CROCC2: variants seen among roughly 807,000 people sequenced by gnomAD.
CROCC2 encodes ciliary rootlet coiled-coil, rootletin family member 2, also known as ciliary rootlet coiled-coil protein 2.
A neutral mutation model predicts 177.6 loss-of-function variants in CROCC2; 163 were observed. The observed-to-expected ratio is 0.92, with a 90% CI of 0.81 to 1.05. The LOEUF is 1.05. Ranked by LOEUF, CROCC2 falls within the 50% of genes least tolerant of loss-of-function variation. CROCC2 has a pLI of 0.00. For missense variants in CROCC2, 1,929 were observed against 1,797.8 expected (o/e 1.07, Z -1.32); for synonymous variants, 904 against 787.3 (o/e 1.15, Z -2.48).
Position 240,949,322 on chromosome 2 carries a change from C to A in CROCC2, c.2483-211C>A. 1.6e-6 allele frequency: 1 copy of A among 641,828 alleles called. No homozygotes were observed. The highest frequency in any genetic ancestry group is 1.9e-6 in the Non-Finnish European group (1 of 515,942). 39.8% of individuals were successfully genotyped at this position (641,828 alleles called of 1,614,324 possible). A position where few individuals can be genotyped will look rare whatever the true frequency, so the allele number is the denominator to read the frequency against. On this transcript the variant is annotated intron_variant, in intron 16 of 31. Transcript: ENST00000690015. This position sits in a 1 kb window ranked among gnomAD's most constrained non-coding sequence, Gnocchi z 4.5. ...CCTGGTGCCAGCCTGAGGCTTAGAACTGGGCTCTGGCCACAGGGTCAGCAT... is the reference window on the plus strand; with the variant it reads ...CCTGGTGCCAGCCTGAGGCTTAGAAATGGGCTCTGGCCACAGGGTCAGCAT...
intron 14 of CROCC2, among the ~76,000 whole-genome samples, chr2:240,936,648 G>C (rs2059472971): frequency 6.6e-6 from 1 of 152,168 alleles, no homozygotes; most frequent in African/African-American, 2.4e-5. Context: ...CTGCCTACAA[G>C]GTCCTTCCTT....
At chr2:240,945,552 C>T (rs2059518273) in intron 14 of CROCC2, among the ~76,000 whole-genome samples, 1 of 152,180 alleles carries the variant, frequency 6.6e-6, no homozygotes, top group South Asian at 2.1e-4. Context: ...GAAGAGGAGA[C>T]ATTAAATGCT....
At chr2:240,934,194 G>A in intron 11 of CROCC2, 137 bp from the exon 12 acceptor site, 1 of 968,536 alleles carries the variant, frequency 1.0e-6, no homozygotes, top group South Asian at 1.8e-5. Context: ...CTGCCTTCCT[G>A]GTCCTCCAGG....
At chr2:240,974,856 T>G (rs2059748385) in intron 27 of CROCC2, among the ~76,000 whole-genome samples, 1 of 152,212 alleles carries the variant, frequency 6.6e-6, no homozygotes, top group African/African-American at 2.4e-5. Flanking sequence ...TCTAGAAGTT[T>G]CCATTTTTAT....
intron 1 of CROCC2, among the ~76,000 whole-genome samples, chr2:240,911,953 G>A (rs1053610758): frequency 1.3e-5 from 2 of 152,120 alleles, no homozygotes; most frequent in African/African-American, 4.8e-5. Context: ...TGTGAACCTC[G>A]GAGTACAAAT....
At chr2:240,909,681 C>T (rs2059275321) in intron 1 of CROCC2, among the ~76,000 whole-genome samples, 1 of 152,200 alleles carries the variant, frequency 6.6e-6, no homozygotes, top group South Asian at 2.1e-4. Flanking sequence ...CCCAAATTCC[C>T]ACTGTCCCCA....
rs1490741597 is a variant in CROCC2 at position 240,982,957 on chromosome 2, G to A, written c.4479G>A (p.Leu1493=). Residue 1493 remains leucine (L), a synonymous_variant, in exon 28 of 32, where the codon CTG becomes CTA. Transcript: ENST00000690015. This position sits in a 1 kb window ranked among gnomAD's most constrained non-coding sequence, Gnocchi z 4.7. ...HSQGLAKQGK[L]LEEQLTNLEH... is the part of the protein sequence containing the mutation. ...AAGGTCTGGCCAAGCAGGGGAAGCT[G>A]CTGGAAGAACAGCTCACCAACTTGG... 6.4e-7 allele frequency: 1 copy of A among 1,550,504 alleles called. No individual in the cohort carries two copies. The highest frequency in any genetic ancestry group is 2.4e-5 in the East Asian group (1 of 40,920).
chr2:240,966,241 G>C lies in CROCC2; in HGVS notation c.3978G>C (p.Gln1326His). Residue 1326 changes from glutamine to histidine, a missense_variant, in exon 25 of 32, where the codon CAG (glutamine) becomes CAC (histidine). By Grantham distance (24) the Gln-to-His change is conservative (BLOSUM62 0). Transcript: ENST00000690015. Reference protein sequence around the residue: ...GSPTKGSDSSQALPGQQGTSP... With the variant: ...GSPTKGSDSSHALPGQQGTSP... ...CTCCCGCAGGCTCCGACAGCTCCCA[G>C]GCTCTCCCTGGGCAACAGGGTACCA... 1.3e-6 allele frequency: 1 copy of C among 753,176 alleles called. No individual in the cohort carries two copies. Among genetic ancestry groups the C allele is most frequent in the Non-Finnish European group, 1.8e-6 (1 of 547,612 alleles). The allele number at this position is 753,176 out of a possible 1,614,324, so 46.7% of individuals were successfully genotyped here.
rs2059454757 is a variant in CROCC2 at position 240,934,476 on chromosome 2, G to T, written c.1791+1G>T. 1 of 1,547,382 alleles carries T rather than the reference G, an allele frequency of 6.5e-7. No individual in the cohort carries two copies. On this transcript the variant is annotated splice_donor_variant, in intron 12 of 31. Transcript: ENST00000690015. LOFTEE classifies it high-confidence loss of function. ...GGGACTGCGCAGCGCCCTGGCGCGG[G>T]TACACTCTGCTCCCCACAACCCCGC...
chr2:240,934,886 C>A, intron 12 of CROCC2, 30 bp from the exon 13 acceptor site: 1 of 1,466,124 alleles, frequency 6.8e-7, no homozygotes, highest in Non-Finnish European at 9.0e-7. Context: ...AGCTGAAGGT[C>A]CCTCCCTGGC....
Position 240,918,671 on chromosome 2 carries a change from G to A in CROCC2, c.79-55G>A, listed in dbSNP as rs79256167. On this transcript the variant is annotated intron_variant, in intron 1 of 31. Coordinates refer to ENST00000690015, the MANE Select transcript of CROCC2 (RefSeq NM_001351305.2). The surrounding 1 kb of genome is among the most constrained non-coding windows in gnomAD (Gnocchi z 6.3). Reference sequence around the variant, plus strand: ...CCCATTCAGTGGGATCGTAGAGGGTGCCTGGCAGCTGTTGGGGGCTGCCAT... The same window carrying A: ...CCCATTCAGTGGGATCGTAGAGGGTACCTGGCAGCTGTTGGGGGCTGCCAT... 2.1e-3 allele frequency: 1,152 copies of A among 539,462 alleles called. 10 individuals carry two copies. The highest frequency in any genetic ancestry group is 0.02 in the African/African-American group (972 of 49,800). The allele number at this position is 539,462 out of a possible 1,614,324, so 33.4% of individuals were successfully genotyped here. A position where few individuals can be genotyped will look rare whatever the true frequency, so the allele number is the denominator to read the frequency against.
chr2:240,993,053 T>C lies in CROCC2; in HGVS notation c.4947-13T>C, dbSNP rs1221588404. On this transcript the variant is annotated splice_polypyrimidine_tract_variant and intron_variant, in intron 31 of 31. Transcript: ENST00000690015. Reference sequence around the variant, plus strand: ...AATGCGGTGTCCACGCCTCCCTCTTTGCATCCCTGCAGCGCCCAAAGGGAC... The same window carrying C: ...AATGCGGTGTCCACGCCTCCCTCTTCGCATCCCTGCAGCGCCCAAAGGGAC... The C allele has an allele frequency of 1.5e-5, 11 of 716,702 alleles. No individual in the cohort carries two copies. Among genetic ancestry groups the C allele is most frequent in the Non-Finnish European group, 2.6e-5 (10 of 384,754 alleles). 44.4% of individuals were successfully genotyped at this position (716,702 alleles called of 1,614,324 possible). A position where few individuals can be genotyped will look rare whatever the true frequency, so the allele number is the denominator to read the frequency against.
At chr2:240,975,558 C>G (rs2059754380) in intron 27 of CROCC2, among the ~76,000 whole-genome samples, 2 of 152,148 alleles carry the variant, frequency 1.3e-5, no homozygotes. Flanking sequence ...ATGACGTGTC[C>G]TGTCCTTCTC....
rs1370690827 is a variant in CROCC2, at chr2:240,953,878, T to C, written c.2830-1981T>C. Among the ~76,000 whole-genome samples, 1 of 152,150 alleles carries C rather than the reference T, an allele frequency of 6.6e-6. No individual in the cohort carries two copies. The highest frequency in any genetic ancestry group is 1.5e-5 in the Non-Finnish European group (1 of 68,024). On this transcript the variant is annotated intron_variant, in intron 18 of 31. Coordinates refer to ENST00000690015, the MANE Select transcript of CROCC2 (RefSeq NM_001351305.2). This position sits in a 1 kb window ranked among gnomAD's most constrained non-coding sequence, Gnocchi z 4.0. The stretch of plus-strand genomic sequence containing the variant: ...GTCTGAATGGCGGCTTGCCCACACC[T>C]GTTTGCAAAGTGAAGCTCTCACCCG...
At chr2:240,941,766 C>CT (rs1302932157) in intron 14 of CROCC2, among the ~76,000 whole-genome samples, 3 of 152,188 alleles carry the variant, frequency 2.0e-5, no homozygotes, top group African/African-American at 7.2e-5. Context: ...CCATTCATCC[C>CT]TTGCTATGTT....
rs1440681615 is a variant in CROCC2, at chr2:240,918,930, G to A, written c.229+54G>A. ...CGGGGCTGGCCAAGGTGACGGCGTG[G>A]GGGACAGTCCTGGGCCCGGTGCTGG... On this transcript the variant is annotated intron_variant, in intron 2 of 31. Transcript: ENST00000690015. This position sits in a 1 kb window ranked among gnomAD's most constrained non-coding sequence, Gnocchi z 6.3. 12 of 668,094 alleles carry A rather than the reference G, an allele frequency of 1.8e-5. No individual in the cohort carries two copies. In the East Asian group the frequency reaches 2.3e-4, roughly 13 times the overall value. The allele number at this position is 668,094 out of a possible 1,614,324, so 41.4% of individuals were successfully genotyped here.
chr2:240,984,865 A>T (rs1574798855), intron 28 of CROCC2, among the ~76,000 whole-genome samples: 1 of 18,970 alleles, frequency 5.3e-5, no homozygotes. Context: ...ACACCCAGGC[A>T]CTCACTCCAC....
Position 240,955,933 on chromosome 2 carries a change from G to T in CROCC2, c.2904G>T (p.Arg968=). Residue 968 remains arginine, a synonymous_variant, in exon 19 of 32, where the codon CGG becomes CGT. Transcript: ENST00000690015. Reference sequence around the variant, plus strand: ...CCAGGGCCAGGAGGACGCTAGAGCGGGTACAGCAGGAGGCACAGAGCCAGC... The same window carrying T: ...CCAGGGCCAGGAGGACGCTAGAGCGTGTACAGCAGGAGGCACAGAGCCAGC... ...ELSRARRTLE[R]VQQEAQSQQE... The T allele has an allele frequency of 6.5e-7, 1 of 1,534,834 alleles. No homozygotes were observed. Among genetic ancestry groups the T allele is most frequent in the Non-Finnish European group, 8.7e-7 (1 of 1,146,914 alleles).
Position 240,973,005 on chromosome 2 carries a change from A to AG in CROCC2, c.4401+4749dup, listed in dbSNP as rs950357234. Among the ~76,000 whole-genome samples the AG allele has an allele frequency of 2.0e-5, 3 of 151,992 alleles. No homozygotes were observed. Among genetic ancestry groups the AG allele is most frequent in the Non-Finnish European group, 2.9e-5 (2 of 67,980 alleles). ...TGCTGCCCCATGCCCCTTGCTGAGC[A>AG]GGGGGGTGCTAGGGTCCAGTAGGGC... is the stretch of plus-strand genomic sequence containing the variant. On this transcript the variant is annotated intron_variant, in intron 27 of 31. Transcript: ENST00000690015. The surrounding 1 kb of genome is among the most constrained non-coding windows in gnomAD (Gnocchi z 4.7).
Sources: allele counts gnomAD v4.1 joint callset (sites outside exome capture counted in the v4.1 genomes callset), GRCh38; gene constraint gnomAD v4.1.1; non-coding constraint Gnocchi (gnomAD v3.1); transcripts MANE v1.5; gene names NCBI Gene and HGNC (gene_info 2026-07-23, HGNC 2026-07-21).